SLC16A2: variants seen among roughly 807,000 people sequenced by gnomAD.
SLC16A2 encodes monocarboxylate transporter 8.
A neutral mutation model predicts 27.2 loss-of-function variants in SLC16A2; 3 were observed. The observed-to-expected ratio is 0.11, with a 90% confidence interval of 0.05 to 0.28. The LOEUF (loss-of-function observed/expected upper bound fraction) is 0.28. SLC16A2 is among the 10% of genes least tolerant of loss of function. The probability of loss-of-function intolerance (pLI) is 1.00; values close to 1 mark genes in which losing one functional copy is unlikely to be tolerated. For synonymous variants in SLC16A2, 202 were observed against 187.8 expected, an observed-to-expected ratio of 1.08 and a Z score of -0.62; for missense variants, 295 against 458.5, an observed-to-expected ratio of 0.64 and a Z score of 3.26.
intron 1 of SLC16A2, among the ~76,000 whole-genome samples, chrX:74,505,966 C>T (rs1930118192): frequency 8.9e-6 from 1 of 112,143 alleles, no homozygotes; most frequent in African/African-American, 3.2e-5. Flanking sequence ...TTCCTGAAAG[C>T]TGAGCTTAGA....
chrX:74,462,925 G>A (rs2147849629), intron 1 of SLC16A2, among the ~76,000 whole-genome samples: 1 of 112,121 alleles, frequency 8.9e-6, no homozygotes, highest in Non-Finnish European at 1.9e-5. Flanking sequence ...AAACACTTGG[G>A]CCACCAACTT....
chrX:74,435,304 A>C (rs1181443858), intron 1 of SLC16A2, among the ~76,000 whole-genome samples: 1 of 109,453 alleles, frequency 9.1e-6, no homozygotes, highest in Non-Finnish European at 1.9e-5. Context: ...ACTGCAGTGA[A>C]GGACTGTATA....
chrX:74,455,026 A>G (rs1009184833), intron 1 of SLC16A2, among the ~76,000 whole-genome samples: 1 of 112,498 alleles, frequency 8.9e-6, no homozygotes, highest in Non-Finnish European at 1.9e-5. Flanking sequence ...CTCTAAAGCC[A>G]GAATGCCTGG....
chrX:74,506,905 T>A (rs904274657), intron 1 of SLC16A2, among the ~76,000 whole-genome samples: 1 of 98,124 alleles, frequency 1.0e-5, no homozygotes, highest in Non-Finnish European at 2.0e-5. Flanking sequence ...CTGTGATATT[T>A]ATTATTTATT....
In SLC16A2 at chrX:74,481,028, A is replaced by G. The variant is rs1602125127; in HGVS notation, c.431-39962A>G. On this transcript the variant is annotated intron_variant, in intron 1 of 5. Transcript: ENST00000587091. ...TTTTATTCTATTGAGATAGCGTATT[A>G]CATTGGTTGATTATCAAATGTTAAC... Among the ~76,000 whole-genome samples the G allele has an allele frequency of 2.7e-5, 3 of 112,750 alleles. No individual in the cohort carries two copies. In the South Asian group the frequency reaches 1.1e-3, roughly 41 times the overall value.
At chrX:74,480,929 A>G (rs1277733167) in intron 1 of SLC16A2, among the ~76,000 whole-genome samples, 1 of 112,081 alleles carries the variant, frequency 8.9e-6, no homozygotes, top group East Asian at 2.8e-4. Context: ...GAATGTTTTT[A>G]TTGTGAAAGA....
chrX:74,436,792 T>C lies in SLC16A2; in HGVS notation c.430+14725T>C, dbSNP rs1928639210. On this transcript the variant is annotated intron_variant, in intron 1 of 5. Transcript: ENST00000587091. Reference sequence around the variant, plus strand: ...TCAGAAATTTAGGGAGTTAGGGGTTTCTTATCAAGGTACCTTCTAGGCTGT... The same window carrying C: ...TCAGAAATTTAGGGAGTTAGGGGTTCCTTATCAAGGTACCTTCTAGGCTGT... Among the ~76,000 whole-genome samples, 3 of 111,957 alleles carry C rather than the reference T, an allele frequency of 2.7e-5. No homozygotes were observed. The South Asian group carries it at 1.1e-3, about 42-fold the overall frequency.
intron 1 of SLC16A2, among the ~76,000 whole-genome samples, chrX:74,471,012 C>T (rs1275709089): frequency 8.9e-6 from 1 of 111,895 alleles, no homozygotes; most frequent in Non-Finnish European, 1.9e-5. Context: ...ATTAACAATT[C>T]TTTATCAGAT....
rs56987686 is a variant in SLC16A2 at position 74,457,018 on chromosome X, C to T, written c.430+34951C>T. 6.9e-3 allele frequency among the ~76,000 whole-genome samples: 772 copies of T among 111,132 alleles called. 11 individuals are homozygous for T. Among genetic ancestry groups the T allele is most frequent in the African/African-American group, 0.024 (729 of 30,563 alleles). On this transcript the variant is annotated intron_variant, in intron 1 of 5. Coordinates refer to ENST00000587091, the MANE Select transcript of SLC16A2 (RefSeq NM_006517.5). ...TGCACTTTCCATAGTATCCATCTCTCTCTACTTCCTATCCTTCTATCTCCA... is the reference window on the plus strand; with the variant it reads ...TGCACTTTCCATAGTATCCATCTCTTTCTACTTCCTATCCTTCTATCTCCA...
chrX:74,447,507 T>A (rs1392610504), intron 1 of SLC16A2, among the ~76,000 whole-genome samples: 3 of 109,805 alleles, frequency 2.7e-5, no homozygotes, highest in Non-Finnish European at 5.7e-5. Flanking sequence ...ACCCTGTCTC[T>A]ACAAAAAAAT....
At chrX:74,513,017 G>T (rs907638202) in intron 1 of SLC16A2, among the ~76,000 whole-genome samples, 3 of 111,449 alleles carry the variant, frequency 2.7e-5, no homozygotes, top group African/African-American at 9.8e-5. Context: ...GCTGAGAGGG[G>T]AAGGTTAAGG....
chrX:74,477,087 G>A (rs767355165), intron 1 of SLC16A2: 4 of 111,883 alleles, frequency 3.6e-5, no homozygotes, highest in East Asian at 5.6e-4. Flanking sequence ...GGTAGAATTC[G>A]GCTGTGAATC....
Position 74,528,977 on chromosome X carries a change from T to G in SLC16A2, c.1171-236T>G, listed in dbSNP as rs941314287. On this transcript the variant is annotated intron_variant, in intron 4 of 5. Transcript: ENST00000587091. Reference sequence around the variant, plus strand: ...GGGGCCAAGTATCCCCCAACTTTCTTTTTTTAATCCCAACAGAATCACAGT... The same window carrying G: ...GGGGCCAAGTATCCCCCAACTTTCTGTTTTTAATCCCAACAGAATCACAGT... 2.7e-5 allele frequency among the ~76,000 whole-genome samples: 3 copies of G among 112,104 alleles called. No homozygotes were observed. In the Admixed American group the frequency reaches 2.8e-4, roughly 11 times the overall value.
chrX:74,429,359 G>C (rs1294021039), intron 1 of SLC16A2, among the ~76,000 whole-genome samples: 1 of 109,637 alleles, frequency 9.1e-6, no homozygotes, highest in African/African-American at 3.3e-5. Context: ...GTGGTCACAG[G>C]TACTTGGAAG....
At chrX:74,482,586 C>G (rs1251399849) in intron 1 of SLC16A2, among the ~76,000 whole-genome samples, 1 of 111,995 alleles carries the variant, frequency 8.9e-6, no homozygotes, top group Non-Finnish European at 1.9e-5. Context: ...CTGTTGATCT[C>G]TTCTATGAAT....
chrX:74,477,233 C>A (rs1362833669), intron 1 of SLC16A2: 3 of 111,803 alleles, frequency 2.7e-5, no homozygotes, highest in East Asian at 5.6e-4. Context: ...AAAGAATTTA[C>A]CCATTTCTTC....
intron 2 of SLC16A2, among the ~76,000 whole-genome samples, chrX:74,523,088 G>T (rs1171133731): frequency 1.8e-5 from 2 of 111,791 alleles, no homozygotes; most frequent in African/African-American, 6.5e-5. Context: ...CTAACACAAG[G>T]CCCCTTGGAT....
intron 1 of SLC16A2, among the ~76,000 whole-genome samples, chrX:74,434,816 GTT>G (rs1210272092): frequency 3.4e-5 from 3 of 89,249 alleles, no homozygotes; most frequent in Admixed American, 1.2e-4. Flanking sequence ...ATCTTAGTTT[GTT>G]TTTTTTTTTT....
intron 1 of SLC16A2, among the ~76,000 whole-genome samples, chrX:74,494,489 A>G (rs1269135721): frequency 2.7e-5 from 3 of 111,850 alleles, no homozygotes; most frequent in East Asian, 2.8e-4. Flanking sequence ...ATTCCATAAT[A>G]TCGTCAAATA....
Sources: gnomAD v4.1 joint callset for allele counts (sites outside exome capture counted in the v4.1 genomes callset) on GRCh38, gnomAD v4.1.1 for gene constraint, MANE v1.5 for transcripts, NCBI Gene and HGNC (gene_info 2026-07-23, HGNC 2026-07-21) for gene names.